ZMYM2: variants seen among roughly 807,000 people sequenced by gnomAD.
ZMYM2 encodes zinc finger MYM-type containing 2.
ZMYM2 carries 56 observed loss-of-function variants against 162.8 expected under a neutral mutation model. That is an observed-to-expected ratio of 0.34 (90% CI 0.28 to 0.43). The LOEUF (loss-of-function observed/expected upper bound fraction) is 0.43, where lower values mean the gene tolerates loss of function less well. Among genes scored for constraint, ZMYM2 ranks in the 20% least tolerant of loss-of-function variants. The probability of loss-of-function intolerance (pLI) is 1.00; values close to 1 mark genes in which losing one functional copy is unlikely to be tolerated. For missense variants in ZMYM2, 1,275 were observed against 1,621.8 expected, an observed-to-expected ratio of 0.79 and a Z score of 3.67; for synonymous variants, 510 against 541.6, an observed-to-expected ratio of 0.94 and a Z score of 0.81.
chr13:19,941,322 C>CA, the ZMYM2 span, among the ~76,000 whole-genome samples: 23,930 of 128,058 alleles, frequency 0.19, 2,260 homozygotes, highest in South Asian at 0.34. Context: ...AACAAAAAAA[C>CA]AAAAAAAAAA....
Position 20,026,461 on chromosome 13 carries a change from G to T in ZMYM2, c.1585-151G>T. ...CTTAGCAGTTGTTGCATAGTTAATA[G>T]TTTGTATGTAGATGAAGACTCATGA... is the stretch of plus-strand genomic sequence containing the variant. On this transcript the variant is annotated intron_variant, in intron 7 of 24. Transcript: ENST00000610343. 4.6e-6 allele frequency: 3 copies of T among 653,162 alleles called. No individual in the cohort carries two copies. In the South Asian group the frequency reaches 7.7e-5, roughly 17 times the overall value. The allele number at this position is 653,162 out of a possible 1,614,324, so 40.5% of individuals were successfully genotyped here.
chr13:19,999,999 C>T (rs1047677402), intron 3 of ZMYM2, among the ~76,000 whole-genome samples: 3 of 152,040 alleles, frequency 2.0e-5, no homozygotes, highest in Admixed American at 1.3e-4. Context: ...GACAGGGTTT[C>T]GCTATGTTGC....
the ZMYM2 span, among the ~76,000 whole-genome samples, chr13:19,903,218 A>G: frequency 1.2e-4 from 18 of 152,234 alleles, no homozygotes; most frequent in Non-Finnish European, 2.6e-4. Flanking sequence ...CTGTGTTCCC[A>G]ACTGCTCAGG....
the ZMYM2 span, among the ~76,000 whole-genome samples, chr13:19,907,996 A>G: frequency 6.6e-6 from 1 of 152,090 alleles, no homozygotes; most frequent in African/African-American, 2.4e-5. Context: ...CTTTCTCTTA[A>G]GAATTTTGCA....
chr13:19,926,045 C>G, the ZMYM2 span, among the ~76,000 whole-genome samples: 1 of 151,308 alleles, frequency 6.6e-6, no homozygotes, highest in Non-Finnish European at 1.5e-5. Flanking sequence ...ACCACAACCT[C>G]GGCCTCCTGG....
At chr13:20,043,989 G>T (rs201704517) in intron 12 of ZMYM2, among the ~76,000 whole-genome samples, 3 of 152,092 alleles carry the variant, frequency 2.0e-5, no homozygotes, top group Non-Finnish European at 4.4e-5. Context: ...CTGAAAGCAG[G>T]TACTTTCACA....
the ZMYM2 span, among the ~76,000 whole-genome samples, chr13:19,867,350 C>CAAA: frequency 2.0e-5 from 2 of 101,540 alleles, no homozygotes; most frequent in Non-Finnish European, 2.1e-5. Flanking sequence ...AACTCCATCT[C>CAAA]AAAAAAAAAA....
intron 2 of ZMYM2, chr13:19,969,953 A>T: frequency 9.5e-6 from 7 of 738,826 alleles, no homozygotes; most frequent in Non-Finnish European, 1.2e-5. Flanking sequence ...ATAGATTCTT[A>T]GTACCTGAAG....
chr13:19,865,442 A>C, the ZMYM2 span, among the ~76,000 whole-genome samples: 1 of 152,174 alleles, frequency 6.6e-6, no homozygotes, highest in Non-Finnish European at 1.5e-5. Flanking sequence ...TATGTCATGG[A>C]TATGCCTAAT....
intron 6 of ZMYM2, among the ~76,000 whole-genome samples, chr13:20,016,151 C>G (rs1289880798): frequency 6.6e-6 from 1 of 151,366 alleles, no homozygotes; most frequent in Non-Finnish European, 1.5e-5. Flanking sequence ...ATTTCCTTCT[C>G]ATTGTCTTTG....
At chr13:19,867,949 G>A in the ZMYM2 span, among the ~76,000 whole-genome samples, 6 of 152,202 alleles carry the variant, frequency 3.9e-5, no homozygotes, top group Non-Finnish European at 7.3e-5. Flanking sequence ...ATCTAAGACT[G>A]CTGAGATGGC....
At chr13:20,083,966 T>C (rs1486821861) in intron 24 of ZMYM2, among the ~76,000 whole-genome samples, 190 bp downstream of exon 24, 2 of 152,358 alleles carry the variant, frequency 1.3e-5, no homozygotes, top group East Asian at 3.9e-4. Context: ...ACTTAGAGTT[T>C]AAGCATGTGT....
chr13:19,996,736 A>C (rs914104376), intron 3 of ZMYM2, among the ~76,000 whole-genome samples: 6 of 152,044 alleles, frequency 3.9e-5, no homozygotes, highest in African/African-American at 1.4e-4. Context: ...AACAAAAAAA[A>C]CTAGCCAGGC....
At chr13:20,084,801 A>C (rs1958147300) in intron 24 of ZMYM2, among the ~76,000 whole-genome samples, 1 of 152,220 alleles carries the variant, frequency 6.6e-6, no homozygotes, top group Non-Finnish European at 1.5e-5. Context: ...CATGAATTCA[A>C]AATGTACTTC....
chr13:19,970,040 A>C (rs900927975), intron 2 of ZMYM2: 1 of 985,258 alleles, frequency 1.0e-6, no homozygotes, highest in Non-Finnish European at 1.2e-6. Flanking sequence ...ATGAGGTCTT[A>C]ATCATGGAAC....
the ZMYM2 span, among the ~76,000 whole-genome samples, chr13:19,886,428 G>A: frequency 6.6e-6 from 1 of 151,706 alleles, no homozygotes; most frequent in Non-Finnish European, 1.5e-5. Context: ...CTCCCAAAGT[G>A]CTGGGTTTAC....
chr13:19,899,142 G>A, the ZMYM2 span, among the ~76,000 whole-genome samples: 2 of 151,532 alleles, frequency 1.3e-5, no homozygotes, highest in Admixed American at 6.6e-5. Context: ...TAGTAGAGAC[G>A]GGTTTCATCA....
At chr13:19,994,708 C>CA (rs1250664972) in intron 3 of ZMYM2, among the ~76,000 whole-genome samples, 10 of 151,736 alleles carry the variant, frequency 6.6e-5, no homozygotes, top group African/African-American at 1.5e-4. Flanking sequence ...AGGCTGGTCT[C>CA]AAACTCCTGA....
the ZMYM2 span, among the ~76,000 whole-genome samples, chr13:19,895,071 C>T: frequency 0.1 from 7,689 of 74,648 alleles, 450 homozygotes; most frequent in Middle Eastern, 0.29. Context: ...AGCGAAACTC[C>T]ATCTCAAAAA....
Sources: gnomAD v4.1 joint callset for allele counts (sites outside exome capture counted in the v4.1 genomes callset) on GRCh38, gnomAD v4.1.1 for gene constraint, MANE v1.5 for transcripts, NCBI Gene and HGNC (gene_info 2026-07-23, HGNC 2026-07-21) for gene names.